ZNF283: variants seen among roughly 807,000 people sequenced by gnomAD.
ZNF283 encodes zinc finger protein 283.
A neutral mutation model predicts 9.2 loss-of-function variants in ZNF283; 10 were observed. The ratio of observed to expected loss-of-function variants is 1.09; its 90% confidence interval spans 0.67 to 1.85. The LOEUF (loss-of-function observed/expected upper bound fraction) is 1.85. Ranked by LOEUF, ZNF283 falls within the 40% of genes most tolerant of loss-of-function variation. The probability of loss-of-function intolerance (pLI) is 0.00; values close to 1 mark genes in which losing one functional copy is unlikely to be tolerated. For synonymous variants in ZNF283, 234 were observed against 244.1 expected (o/e 0.96, Z 0.38); for missense variants, 631 against 760.1 (o/e 0.83, Z 2.00).
At chr19:43,838,648 G>A (rs574173087) in intron 6 of ZNF283, among the ~76,000 whole-genome samples, 6 of 152,224 alleles carry the variant, frequency 3.9e-5, no homozygotes, top group African/African-American at 1.4e-4. Context: ...TAAATATTGT[G>A]TTCCTCTTTA....
rs770671700 is a variant in ZNF283, at chr19:43,849,462, G to A, written c.*821G>A. 9.2e-5 allele frequency: 14 copies of A among 152,272 alleles called. No individual in the cohort carries two copies. Among genetic ancestry groups the A allele is most frequent in the Non-Finnish European group, 1.3e-4 (9 of 68,000 alleles). The allele number at this position is 152,272 out of a possible 1,614,324, so 9.4% of individuals were successfully genotyped here. On this transcript the variant is annotated 3_prime_UTR_variant, in exon 7 of 7. Coordinates refer to ENST00000618787, the MANE Select transcript of ZNF283 (RefSeq NM_181845.2). ...TTGCACCTCTCTGATTAGAATAGCA[G>A]AATATTCATACTATAGCAAGATTTG...
rs201107492 is a variant in ZNF283 at position 43,847,760 on chromosome 19, G to A, written c.1159G>A (p.Gly387Ser). The change falls in exon 7 of 7, where the codon GGC (glycine) becomes AGC (serine). Residue 387 changes from glycine to serine, a missense_variant. Around this residue, in one of 3 missense-constraint regions of ZNF283, gnomAD observed 444 missense variants for 522.5 expected, o/e 0.85. Coordinates refer to ENST00000618787, the MANE Select transcript of ZNF283 (RefSeq NM_181845.2). ...CKICGKAFCWGYQLTRHQIFH... is the reference protein window; with the variant it reads ...CKICGKAFCWSYQLTRHQIFH... ...AATATGTGGAAAGGCTTTTTGTTGGGGCTATCAACTTACTCGACATCAGAT... is the reference window on the plus strand; with the variant it reads ...AATATGTGGAAAGGCTTTTTGTTGGAGCTATCAACTTACTCGACATCAGAT... The A allele has an allele frequency of 4.3e-4, 689 of 1,613,180 alleles. No homozygotes were observed. In the Middle Eastern group the frequency reaches 0.01, roughly 24 times the overall value.
chr19:43,837,279 T>C lies in ZNF283; in HGVS notation c.337+100T>C, dbSNP rs116446354. 7.7e-4 allele frequency: 982 copies of C among 1,280,288 alleles called. 2 individuals are homozygous for C. The African/African-American group carries it at 0.014, about 18-fold the overall frequency. The allele number at this position is 1,280,288 out of a possible 1,614,324, so 79.3% of individuals were successfully genotyped here. ...CTATCTTTGAAGAAACCAGGTGAATTTCTTCTCCCCCTTCCCAAGGGCATG... is the reference window on the plus strand; with the variant it reads ...CTATCTTTGAAGAAACCAGGTGAATCTCTTCTCCCCCTTCCCAAGGGCATG... On this transcript the variant is annotated intron_variant, in intron 6 of 6. Coordinates refer to ENST00000618787, the MANE Select transcript of ZNF283 (RefSeq NM_181845.2).
chr19:43,843,571 T>C (rs550253665), intron 6 of ZNF283, among the ~76,000 whole-genome samples: 1 of 152,364 alleles, frequency 6.6e-6, no homozygotes, highest in African/African-American at 2.4e-5. Flanking sequence ...TTGAGCTTTA[T>C]AGCTTCCTAA....
chr19:43,843,084 C>T (rs1023611397), intron 6 of ZNF283, among the ~76,000 whole-genome samples: 2 of 152,092 alleles, frequency 1.3e-5, no homozygotes, highest in Admixed American at 6.6e-5. Context: ...GGCTGATGCC[C>T]GTAATCCCAG....
At chr19:43,831,219 C>T (rs1970694889) in intron 2 of ZNF283, 99 bp from the exon 3 acceptor site, 1 of 693,120 alleles carries the variant, frequency 1.4e-6, no homozygotes, top group Non-Finnish European at 2.4e-6. Context: ...GCCGTACTTA[C>T]AGAGTATCTA....
chr19:43,834,659 G>A (rs530582371), intron 4 of ZNF283, among the ~76,000 whole-genome samples: 4 of 152,062 alleles, frequency 2.6e-5, no homozygotes, highest in South Asian at 4.2e-4. Context: ...GCAGCAGCGC[G>A]ATCTCGGCTC....
rs62114569 is a variant in ZNF283 at position 43,850,472 on chromosome 19, T to C, written c.*1831T>C. 61,247 of 151,448 alleles carry C rather than the reference T, an allele frequency of 0.4. 12,828 individuals carry two copies. The highest frequency in any genetic ancestry group is 0.55 in the South Asian group (2,629 of 4,786). 9.4% of individuals were successfully genotyped at this position (151,448 alleles called of 1,614,324 possible). Reference sequence around the variant, plus strand: ...TTTTTTTTTGGGACAGGATCTCTCTTTCTGTCACCAAGGCTGGAGTGCAGT... The same window carrying C: ...TTTTTTTTTGGGACAGGATCTCTCTCTCTGTCACCAAGGCTGGAGTGCAGT... On this transcript the variant is annotated 3_prime_UTR_variant, in exon 7 of 7. Transcript: ENST00000618787.
chr19:43,835,779 A>G (rs1292508519), intron 5 of ZNF283, among the ~76,000 whole-genome samples, 187 bp downstream of exon 5: 1 of 152,140 alleles, frequency 6.6e-6, no homozygotes, highest in Admixed American at 6.6e-5. Flanking sequence ...GGCGCTTCAG[A>G]TTAGAGAGAG....
Position 43,847,670 on chromosome 19 carries a change from A to G in ZNF283, c.1069A>G (p.Ser357Gly), listed in dbSNP as rs997070841. The G allele has an allele frequency of 4.2e-5, 68 of 1,613,842 alleles. No individual in the cohort carries two copies. The highest frequency in any genetic ancestry group is 1.7e-4 in the Middle Eastern group (1 of 6,056). ...YKCKECGKAF[S>G]RGYQLTQHQK... is the part of the protein sequence containing the mutation. ...ATGTAAAGAATGTGGGAAGGCCTTC[A>G]GTCGTGGCTATCAGCTTACTCAGCA... The change falls in exon 7 of 7, where the codon AGT becomes GGT. Residue 357 changes from serine to glycine, a missense_variant. Physicochemically the swap from Ser to Gly is moderately conservative, Grantham distance 56. This residue lies in a region of ZNF283 where 444 missense variants were observed against 522.5 expected (regional missense o/e 0.85). Coordinates refer to ENST00000618787, the MANE Select transcript of ZNF283 (RefSeq NM_181845.2).
In ZNF283 at chr19:43,848,236, T is replaced by A. The variant is rs772285282; in HGVS notation, c.1635T>A (p.Cys545Ter). 6.2e-7 allele frequency: 1 copy of A among 1,613,754 alleles called. No homozygotes were observed. Among genetic ancestry groups the A allele is most frequent in the Non-Finnish European group, 8.5e-7 (1 of 1,179,888 alleles). The stretch of plus-strand genomic sequence containing the variant: ...ATACAGGGGAGAAACCCTATGAATG[T>A]AAAGAATGTGGGAAGGCTTTTAGTC... ...RIHTGEKPYE[C>*]KECGKAFSRG... Residue 545 changes from cysteine (C) to a stop codon, truncating the protein, a stop_gained, in exon 7 of 7, where the codon TGT becomes TGA. Transcript: ENST00000618787. LOFTEE classifies it low-confidence loss of function (END_TRUNC).
At chr19:43,832,066 A>G (rs990819909) in intron 3 of ZNF283, among the ~76,000 whole-genome samples, 5 of 152,176 alleles carry the variant, frequency 3.3e-5, no homozygotes, top group Non-Finnish European at 7.3e-5. Context: ...AGTTTGAAAA[A>G]AAAATCCAAC....
chr19:43,847,075 G>C lies in ZNF283; in HGVS notation c.474G>C (p.Trp158Cys), dbSNP rs1259286252. ...AGGCATCCATCTTCAGAAATAATTG[G>C]AAGTGCAAAAGCATATTCGAGGGAC... ...GLEASIFRNN[W>C]KCKSIFEGLK... is the part of the protein sequence containing the mutation. Residue 158 changes from tryptophan to cysteine, a missense_variant, in exon 7 of 7, where the codon TGG becomes TGC. This residue lies in a region of ZNF283 where 184 missense variants were observed against 220.0 expected (regional missense o/e 0.84). Transcript: ENST00000618787. The C allele has an allele frequency of 6.2e-7, 1 of 1,613,026 alleles. No homozygotes were observed. Among genetic ancestry groups the C allele is most frequent in the Non-Finnish European group, 8.5e-7 (1 of 1,179,460 alleles).
Position 43,848,419 on chromosome 19 carries a change from G to T in ZNF283, c.1818G>T (p.Lys606Asn). Reference protein sequence around the residue: ...EKSYECKDCGKAFGSGYQLSV... With the variant: ...EKSYECKDCGNAFGSGYQLSV... ...CTTATGAATGTAAAGACTGTGGGAA[G>T]GCCTTTGGTAGTGGCTATCAACTTA... is the stretch of plus-strand genomic sequence containing the variant. The change falls in exon 7 of 7, where the codon AAG (lysine) becomes AAT (asparagine). Residue 606 changes from lysine (K) to asparagine (N), a missense_variant. Lys to Asn is a moderately conservative substitution (Grantham distance 94). Transcript: ENST00000618787. 1.2e-6 allele frequency: 2 copies of T among 1,614,018 alleles called. No individual in the cohort carries two copies. The highest frequency in any genetic ancestry group is 1.7e-6 in the Non-Finnish European group (2 of 1,179,924).
rs1392498935 is a variant in ZNF283, at chr19:43,846,291, T to C, written c.338-648T>C. Among the ~76,000 whole-genome samples the C allele has an allele frequency of 2.0e-5, 3 of 152,220 alleles. No individual in the cohort carries two copies. In the East Asian group the frequency reaches 5.8e-4, roughly 29 times the overall value. On this transcript the variant is annotated intron_variant, in intron 6 of 6. Transcript: ENST00000618787. ...TATGAAGTTATAAAAATCAATCCTT[T>C]TATAAAAATTCTGGCTAATAAATCT...
chr19:43,831,457 A>G (rs1433171994), intron 3 of ZNF283, 76 bp downstream of exon 3: 47 of 1,149,732 alleles, frequency 4.1e-5, no homozygotes, highest in Non-Finnish European at 5.3e-5. Flanking sequence ...TGACTGGAAT[A>G]TATTCCTCCT....
intron 6 of ZNF283, among the ~76,000 whole-genome samples, chr19:43,846,736 C>T (rs1240667088): frequency 6.6e-6 from 1 of 152,106 alleles, no homozygotes; most frequent in Non-Finnish European, 1.5e-5. Flanking sequence ...CTGTGGAATC[C>T]TCCAGAAAAC....
chr19:43,831,500 T>C (rs1162639666), intron 3 of ZNF283, 119 bp downstream of exon 3: 16 of 829,698 alleles, frequency 1.9e-5, no homozygotes, highest in Admixed American at 5.1e-5. Context: ...GAAATGTCTT[T>C]ATAGTTCCAA....
intron 6 of ZNF283, among the ~76,000 whole-genome samples, chr19:43,842,739 A>T (rs1342829824): frequency 6.6e-6 from 1 of 152,196 alleles, no homozygotes. Flanking sequence ...TGACACTTCC[A>T]CTGGTGGTGT....
Sources: gnomAD v4.1 joint callset for allele counts (sites outside exome capture counted in the v4.1 genomes callset) on GRCh38, gnomAD v4.1.1 for gene constraint, gnomAD v4.1.1 regional missense constraint, MANE v1.5 for transcripts, NCBI Gene and HGNC (gene_info 2026-07-23, HGNC 2026-07-21) for gene names.